KIZ: variants seen among roughly 807,000 people sequenced by gnomAD.
KIZ encodes the protein centrosomal protein kizuna.
Under a neutral mutation model 79.6 loss-of-function variants are expected in KIZ, and 68 were observed. That is an observed-to-expected ratio of 0.85 (90% CI 0.70 to 1.05). The LOEUF (loss-of-function observed/expected upper bound fraction) is 1.05, where lower values mean the gene tolerates loss of function less well. KIZ is among the 50% of genes least tolerant of loss of function. The pLI, the probability that KIZ is intolerant of heterozygous loss-of-function variation, is 0.00. For synonymous variants in KIZ, 280 were observed against 281.8 expected, an observed-to-expected ratio of 0.99 and a Z score of 0.06; for missense variants, 797 against 800.4, an observed-to-expected ratio of 1.00 and a Z score of 0.05.
Position 21,214,656 on chromosome 20 carries a change from C to T in KIZ, c.1568C>T (p.Ala523Val). Residue 523 changes from alanine to valine, a missense_variant, in exon 8 of 13, where the codon GCC becomes GTC. By Grantham distance (64) the Ala-to-Val change is moderately conservative (BLOSUM62 0). Coordinates refer to ENST00000619189, the MANE Select transcript of KIZ (RefSeq NM_018474.6). ...AATGACAATAGTGGAATAAAGGAAG[C>T]CAAACCTGCTGTATGGCTCAACAGT... ...ILNDNSGIKE[A>V]KPAVWLNSVP... 1 of 1,612,608 alleles carries T rather than the reference C, an allele frequency of 6.2e-7. No homozygotes were observed. Among genetic ancestry groups the T allele is most frequent in the Non-Finnish European group, 8.5e-7 (1 of 1,178,752 alleles).
At chr20:21,202,907 A>G (rs1456812839) in intron 6 of KIZ, among the ~76,000 whole-genome samples, 2 of 152,170 alleles carry the variant, frequency 1.3e-5, no homozygotes, top group Admixed American at 6.5e-5. Flanking sequence ...AACTGCTCAC[A>G]TTTCATCAGT....
At chr20:21,190,292 G>A (rs904074359) in intron 6 of KIZ, among the ~76,000 whole-genome samples, 1 of 152,216 alleles carries the variant, frequency 6.6e-6, no homozygotes, top group East Asian at 1.9e-4. Flanking sequence ...TTGCTCCTGG[G>A]TGAAATTTGC....
At chr20:21,193,329 G>A (rs1247777336) in intron 6 of KIZ, among the ~76,000 whole-genome samples, 1 of 152,152 alleles carries the variant, frequency 6.6e-6, no homozygotes, top group Non-Finnish European at 1.5e-5. Context: ...TTATCTGATA[G>A]GGTTAAGGAA....
chr20:21,188,133 T>G (rs995521567), intron 6 of KIZ, among the ~76,000 whole-genome samples: 2 of 152,202 alleles, frequency 1.3e-5, no homozygotes, highest in African/African-American at 4.8e-5. Context: ...CTAAAAATAT[T>G]ACTCGAATTT....
intron 10 of KIZ, among the ~76,000 whole-genome samples, chr20:21,232,340 G>A (rs971744993): frequency 6.6e-6 from 1 of 152,168 alleles, no homozygotes; most frequent in Non-Finnish European, 1.5e-5. Context: ...GATAAGGTGG[G>A]TGACTGTTAT....
At chr20:21,167,820 C>T (rs2034016483) in intron 6 of KIZ, among the ~76,000 whole-genome samples, 1 of 152,118 alleles carries the variant, frequency 6.6e-6, no homozygotes, top group East Asian at 1.9e-4. Context: ...CTTCAAAGTG[C>T]TGGGATTACA....
At chr20:21,184,489 T>A (rs1237545702) in intron 6 of KIZ, among the ~76,000 whole-genome samples, 2 of 152,222 alleles carry the variant, frequency 1.3e-5, no homozygotes, top group Non-Finnish European at 2.9e-5. Flanking sequence ...CATTTCATTC[T>A]TCCTTCTTTA....
At chr20:21,138,163 G>T (rs1301547890) in intron 3 of KIZ, among the ~76,000 whole-genome samples, 1 of 152,172 alleles carries the variant, frequency 6.6e-6, no homozygotes, top group Non-Finnish European at 1.5e-5. Context: ...TAGGGCTCAT[G>T]TATTGTTTTC....
chr20:21,169,244 A>C (rs1363690112), intron 6 of KIZ, among the ~76,000 whole-genome samples: 1 of 151,966 alleles, frequency 6.6e-6, no homozygotes, highest in African/African-American at 2.4e-5. Flanking sequence ...CAAGAAAAAA[A>C]AACCCCATCA....
At chr20:21,182,142 C>G (rs1365665766) in intron 6 of KIZ, among the ~76,000 whole-genome samples, 2 of 152,068 alleles carry the variant, frequency 1.3e-5, no homozygotes, top group Non-Finnish European at 2.9e-5. Context: ...GAGAAGGGAC[C>G]TTTGGGAGGT....
intron 9 of KIZ, among the ~76,000 whole-genome samples, chr20:21,224,171 G>A (rs1248385855): frequency 4.0e-5 from 6 of 151,530 alleles, no homozygotes; most frequent in South Asian, 2.1e-4. Flanking sequence ...AGATAACAGC[G>A]TTTCTCCATT....
At chr20:21,199,639 T>A (rs1036583727) in intron 6 of KIZ, among the ~76,000 whole-genome samples, 1 of 152,142 alleles carries the variant, frequency 6.6e-6, no homozygotes. Flanking sequence ...TTGCTCTAGC[T>A]TCCTCTTGTG....
intron 6 of KIZ, chr20:21,166,267 A>G (rs879745213): frequency 1.6e-5 from 25 of 1,599,276 alleles, no homozygotes; most frequent in African/African-American, 1.1e-4. Flanking sequence ...TTCATGGTCC[A>G]TGATGCCAGC....
intron 9 of KIZ, among the ~76,000 whole-genome samples, chr20:21,219,898 A>G (rs1272127238): frequency 1.3e-5 from 2 of 152,162 alleles, no homozygotes; most frequent in Non-Finnish European, 1.5e-5. Flanking sequence ...AGATTTACAT[A>G]GAAACCCTCC....
chr20:21,161,885 G>T lies in KIZ; in HGVS notation c.420G>T (p.Glu140Asp), dbSNP rs777677562. 4 of 1,611,898 alleles carry T rather than the reference G, an allele frequency of 2.5e-6. No individual in the cohort carries two copies. The highest frequency in any genetic ancestry group is 3.4e-6 in the Non-Finnish European group (4 of 1,178,350). ...DEDREKVAVH[E>D]GINSGTAMSR... ...TGGTGTTGCAGGTTGCAGTGCACGAGGGGATTAACTCAGGAACAGCCATGT... is the reference window on the plus strand; with the variant it reads ...TGGTGTTGCAGGTTGCAGTGCACGATGGGATTAACTCAGGAACAGCCATGT... The change falls in exon 5 of 13, where the codon GAG becomes GAT. Residue 140 changes from glutamate to aspartate, a missense_variant. Glu to Asp is a conservative substitution (Grantham distance 45, BLOSUM62 2). Transcript: ENST00000619189.
intron 1 of KIZ, among the ~76,000 whole-genome samples, chr20:21,129,684 AT>A (rs2031711678): frequency 6.6e-6 from 1 of 151,938 alleles, no homozygotes; most frequent in African/African-American, 2.4e-5. Context: ...GTGAGCTGAG[AT>A]TGTGCCATTG....
chr20:21,178,119 C>T (rs552858470), intron 6 of KIZ, among the ~76,000 whole-genome samples: 1 of 151,958 alleles, frequency 6.6e-6, no homozygotes, highest in Admixed American at 6.5e-5. Context: ...AAAAAAAATG[C>T]CATTGAAATT....
At chr20:21,182,215 G>A (rs1245843404) in intron 6 of KIZ, among the ~76,000 whole-genome samples, 1 of 152,106 alleles carries the variant, frequency 6.6e-6, no homozygotes, top group Non-Finnish European at 1.5e-5. Context: ...GCACTTATAA[G>A]AAGAGACACA....
chr20:21,201,176 C>G (rs1176476341), intron 6 of KIZ, among the ~76,000 whole-genome samples: 1 of 151,616 alleles, frequency 6.6e-6, no homozygotes, highest in Non-Finnish European at 1.5e-5. Flanking sequence ...AAGATGCTGT[C>G]TCAAAAAAAA....
Sources: gnomAD v4.1 joint callset for allele counts (sites outside exome capture counted in the v4.1 genomes callset) on GRCh38, gnomAD v4.1.1 for gene constraint, MANE v1.5 for transcripts, NCBI Gene and HGNC (gene_info 2026-07-23, HGNC 2026-07-21) for gene names.